NUGGC: variants seen among roughly 807,000 people sequenced by gnomAD.
NUGGC encodes nuclear GTPase SLIP-GC.
In NUGGC, 58 loss-of-function variants were observed where a neutral mutation model predicts 92.6. That is an observed-to-expected ratio of 0.63 (90% CI 0.51 to 0.78). The LOEUF (loss-of-function observed/expected upper bound fraction) is 0.78, where lower values mean the gene tolerates loss of function less well. NUGGC is among the 30% of genes least tolerant of loss of function. The pLI, the probability that NUGGC is intolerant of heterozygous loss-of-function variation, is 0.00. For synonymous variants in NUGGC, 376 were observed against 366.4 expected (o/e 1.03, Z -0.30); for missense variants, 925 against 964.6 (o/e 0.96, Z 0.54).
intron 2 of NUGGC, among the ~76,000 whole-genome samples, chr8:28,070,558 C>G (rs915241009): frequency 4.6e-5 from 7 of 151,502 alleles, no homozygotes; most frequent in Non-Finnish European, 2.9e-5. Context: ...CGAGACATGC[C>G]TGGGCAACAC....
chr8:28,029,326 C>T lies in NUGGC; in HGVS notation c.2094G>A (p.Val698=), dbSNP rs1163956917. ...DAIRRGVDRQ[V]AEGMFERAQE... is the part of the protein sequence containing the mutation. ...GGGCCCTTTCAAACATGCCCTCAGC[C>T]ACCTGCCGGTCCACTCCTCTTCTGA... The change falls in exon 17 of 19, where the codon GTG becomes GTA. Residue 698 remains valine (V), a synonymous_variant. Coordinates refer to ENST00000413272, the MANE Select transcript of NUGGC (RefSeq NM_001010906.2). The T allele has an allele frequency of 2.5e-6, 4 of 1,610,256 alleles. No individual in the cohort carries two copies. Among genetic ancestry groups the T allele is most frequent in the Non-Finnish European group, 3.4e-6 (4 of 1,178,308 alleles).
In NUGGC at chr8:28,023,056, C is replaced by T. The variant is rs538305349; in HGVS notation, c.*261G>A. The T allele has an allele frequency of 3.8e-5, 11 of 288,772 alleles. No individual in the cohort carries two copies. The highest frequency in any genetic ancestry group is 1.8e-4 in the East Asian group (3 of 16,300). The allele number at this position is 288,772 out of a possible 1,614,324, so 17.9% of individuals were successfully genotyped here. On this transcript the variant is annotated 3_prime_UTR_variant, in exon 19 of 19. Transcript: ENST00000413272. Reference sequence around the variant, plus strand: ...CTGCATTCCAGCCTGGGTGACACAGCGAGACTCTGTCTCAAAAAAAAAAAA... The same window carrying T: ...CTGCATTCCAGCCTGGGTGACACAGTGAGACTCTGTCTCAAAAAAAAAAAA...
intron 4 of NUGGC, among the ~76,000 whole-genome samples, 166 bp downstream of exon 4, chr8:28,069,378 A>T (rs1303166674): frequency 6.6e-6 from 1 of 152,246 alleles, no homozygotes; most frequent in Non-Finnish European, 1.5e-5. Flanking sequence ...ATTACCTAAC[A>T]GTGACAGCTC....
chr8:28,064,045 C>T (rs1810375262), intron 7 of NUGGC, among the ~76,000 whole-genome samples: 2 of 152,216 alleles, frequency 1.3e-5, no homozygotes, highest in Admixed American at 1.3e-4. Flanking sequence ...CTCCCTCCTC[C>T]ACGGACCCCA....
At chr8:28,075,581 GTA>G (rs1370613797) in intron 1 of NUGGC, among the ~76,000 whole-genome samples, 1 of 152,170 alleles carries the variant, frequency 6.6e-6, no homozygotes, top group Non-Finnish European at 1.5e-5. Flanking sequence ...ACTCAGCCGT[GTA>G]TTTCAAAAGC....
chr8:28,072,449 G>T (rs1170765901), intron 2 of NUGGC, among the ~76,000 whole-genome samples: 1 of 152,232 alleles, frequency 6.6e-6, no homozygotes, highest in Non-Finnish European at 1.5e-5. Context: ...TGTGGAAAGA[G>T]TGGAAAGGGA....
At chr8:28,048,604 C>T (rs974424707) in intron 10 of NUGGC, among the ~76,000 whole-genome samples, 2 of 152,032 alleles carry the variant, frequency 1.3e-5, no homozygotes, top group Non-Finnish European at 2.9e-5. Context: ...TGGTTCACAC[C>T]TGTAATCCTA....
Position 28,064,743 on chromosome 8 carries a change from G to A in NUGGC, c.712-12C>T. The stretch of plus-strand genomic sequence containing the variant: ...GACAGCTCTTCTGCCTGAAGAAGGA[G>A]GACAGAGTCACACACACCAGCCATG... On this transcript the variant is annotated splice_polypyrimidine_tract_variant and intron_variant, in intron 6 of 18. Coordinates refer to ENST00000413272, the MANE Select transcript of NUGGC (RefSeq NM_001010906.2). The A allele has an allele frequency of 6.2e-7, 1 of 1,610,888 alleles. No individual in the cohort carries two copies. The highest frequency in any genetic ancestry group is 8.5e-7 in the Non-Finnish European group (1 of 1,177,368).
chr8:28,045,628 T>G lies in NUGGC; in HGVS notation c.1345A>C (p.Ser449Arg). Reference sequence around the variant, plus strand: ...GTCCTCTTCTTCTTGTCCAAGAGGCTCTTCCTGATGTATTCTCTTAACTTA... The same window carrying G: ...GTCCTCTTCTTCTTGTCCAAGAGGCGCTTCCTGATGTATTCTCTTAACTTA... ...IPKLREYIRK[S>R]LLDKKKRTVT... Residue 449 changes from serine (S) to arginine (R), a missense_variant, in exon 12 of 19, where the codon AGC becomes CGC. Transcript: ENST00000413272. The G allele has an allele frequency of 6.2e-7, 1 of 1,613,080 alleles. No homozygotes were observed. The highest frequency in any genetic ancestry group is 8.5e-7 in the Non-Finnish European group (1 of 1,179,596).
chr8:28,067,091 G>A (rs962982510), intron 6 of NUGGC, among the ~76,000 whole-genome samples: 1 of 152,298 alleles, frequency 6.6e-6, no homozygotes, highest in South Asian at 2.1e-4. Context: ...CATGACAATG[G>A]GGGCGACGGA....
chr8:28,041,035 T>C lies in NUGGC; in HGVS notation c.1611+16A>G. ...CCTCCTGGAATATCTGAGTTTTCCC[T>C]GGAAGGGTCACTCACCACCAAGCAT... On this transcript the variant is annotated intron_variant, in intron 13 of 18. Transcript: ENST00000413272. 1.3e-6 allele frequency: 2 copies of C among 1,587,914 alleles called. No homozygotes were observed. Among genetic ancestry groups the C allele is most frequent in the Non-Finnish European group, 1.7e-6 (2 of 1,165,520 alleles).
At chr8:28,050,688 G>A (rs1049618321) in intron 10 of NUGGC, among the ~76,000 whole-genome samples, 2 of 152,060 alleles carry the variant, frequency 1.3e-5, no homozygotes, top group Non-Finnish European at 2.9e-5. Context: ...GCGCATGCCT[G>A]TAATCCCAGC....
chr8:28,069,804 G>A (rs1810540837), intron 3 of NUGGC, 152 bp from the exon 4 acceptor site: 2 of 622,646 alleles, frequency 3.2e-6, no homozygotes. Context: ...TCTCACACGA[G>A]GGATGGCGGC....
rs35977212 is a variant in NUGGC, at chr8:28,022,157, C to CTTTTTTTT, written c.*1152_*1159dup. On this transcript the variant is annotated 3_prime_UTR_variant, in exon 19 of 19. Coordinates refer to ENST00000413272, the MANE Select transcript of NUGGC (RefSeq NM_001010906.2). ...TATATATATATATTTTTTTCTTTTT[C>CTTTTTTTT]TTTTTTTTTTTTTTTTTTTGAGACA... 16 of 95,946 alleles carry CTTTTTTTT rather than the reference C, an allele frequency of 1.7e-4. No homozygotes were observed. The highest frequency in any genetic ancestry group is 5.2e-4 in the East Asian group (2 of 3,850). The allele number at this position is 95,946 out of a possible 1,614,324, so 5.9% of individuals were successfully genotyped here. A position where few individuals can be genotyped will look rare whatever the true frequency, so the allele number is the denominator to read the frequency against.
intron 18 of NUGGC, among the ~76,000 whole-genome samples, chr8:28,025,256 CCTGACAACAGGGA>C (rs1809227652): frequency 6.6e-6 from 1 of 152,192 alleles, no homozygotes; most frequent in South Asian, 2.1e-4. Flanking sequence ...CAGGTAAGGC[CCTGACAACAGGGA>C]CTGCCTTTTA....
intron 7 of NUGGC, among the ~76,000 whole-genome samples, chr8:28,060,899 G>A (rs918713095): frequency 2.6e-5 from 4 of 152,132 alleles, no homozygotes; most frequent in Admixed American, 6.5e-5. Flanking sequence ...CTCAAGCAGC[G>A]CCTCTGAGAC....
chr8:28,064,327 T>C (rs1220180422), intron 7 of NUGGC, among the ~76,000 whole-genome samples, 195 bp downstream of exon 7: 2 of 152,212 alleles, frequency 1.3e-5, no homozygotes, highest in Non-Finnish European at 2.9e-5. Context: ...AGTCACATCC[T>C]GTGATTCCTC....
At chr8:28,082,164 G>T (rs57993232) in intron 1 of NUGGC, among the ~76,000 whole-genome samples, 12,910 of 152,166 alleles carry the variant, frequency 0.085, 825 homozygotes, top group East Asian at 0.32. Flanking sequence ...TGAAACAAGG[G>T]CCTCCAAATC....
chr8:28,057,330 C>CT (rs57167648), intron 9 of NUGGC, among the ~76,000 whole-genome samples: 44,560 of 124,248 alleles, frequency 0.36, 7,445 homozygotes, highest in East Asian at 0.53. Context: ...ATTTTCTTTC[C>CT]TTTTTTTTTT....
Sources: gnomAD v4.1 joint callset for allele counts (sites outside exome capture counted in the v4.1 genomes callset) on GRCh38, gnomAD v4.1.1 for gene constraint, MANE v1.5 for transcripts, NCBI Gene and HGNC (gene_info 2026-07-23, HGNC 2026-07-21) for gene names.